Variants in SEC24C observed in about 807,000 individuals in gnomAD.
SEC24C encodes the protein protein transport protein Sec24C.
Under a neutral mutation model 117.0 loss-of-function variants are expected in SEC24C, and 22 were observed. The ratio of observed to expected loss-of-function variants is 0.19; its 90% confidence interval spans 0.13 to 0.27. The LOEUF (loss-of-function observed/expected upper bound fraction) is 0.27, where lower values mean the gene tolerates loss of function less well. Among genes scored for constraint, SEC24C ranks in the 10% least tolerant of loss-of-function variants. The pLI, the probability that SEC24C is intolerant of heterozygous loss-of-function variation, is 1.00. For missense variants in SEC24C, 1,155 were observed against 1,375.1 expected, an observed-to-expected ratio of 0.84 and a Z score of 2.53; for synonymous variants, 506 against 529.4, an observed-to-expected ratio of 0.96 and a Z score of 0.61.
rs922127775 is a variant in SEC24C, at chr10:73,760,922, G to A, written c.987+73G>A. 5.0e-6 allele frequency: 7 copies of A among 1,409,630 alleles called. No individual in the cohort carries two copies. The African/African-American group carries it at 1.0e-4, about 21-fold the overall frequency. 87.3% of individuals were successfully genotyped at this position (1,409,630 alleles called of 1,614,324 possible). A position where few individuals can be genotyped will look rare whatever the true frequency, so the allele number is the denominator to read the frequency against. ...ATAGGCAGGTCAATCTAGATGAAAT[G>A]TTTGCCTAGCATTTTCTGATAATTT... On this transcript the variant is annotated intron_variant, in intron 6 of 22. Coordinates refer to ENST00000345254, the MANE Select transcript of SEC24C (RefSeq NM_198597.3).
In SEC24C at chr10:73,763,668, T is replaced by A; in HGVS notation, c.1099+67T>A. Reference sequence around the variant, plus strand: ...AAGATTATCAGCTTATGGTTGGGGCTTTTTTTTTTTTTTTTTTTTTTTTTT... The same window carrying A: ...AAGATTATCAGCTTATGGTTGGGGCATTTTTTTTTTTTTTTTTTTTTTTTT... On this transcript the variant is annotated intron_variant, in intron 7 of 22. Transcript: ENST00000345254. The A allele has an allele frequency of 3.4e-4, 72 of 208,708 alleles. 1 individual carries two copies. In the South Asian group the frequency reaches 5.8e-3, roughly 17 times the overall value. 12.9% of individuals were successfully genotyped at this position (208,708 alleles called of 1,614,324 possible). A position where few individuals can be genotyped will look rare whatever the true frequency, so the allele number is the denominator to read the frequency against.
chr10:73,770,063 T>C, intron 20 of SEC24C, 48 bp downstream of exon 20: 1 of 1,557,246 alleles, frequency 6.4e-7, no homozygotes. Flanking sequence ...GCAAAGGGCC[T>C]CTTAGGAGGA....
At chr10:73,759,840 G>T in intron 4 of SEC24C, 46 bp downstream of exon 4, 1 of 1,499,826 alleles carries the variant, frequency 6.7e-7, no homozygotes. Flanking sequence ...CTGTTCAGAG[G>T]CATCAGACTC....
At chr10:73,767,014 TGAATAAA>T in intron 13 of SEC24C, 33 bp from the exon 14 acceptor site, 2 of 1,520,440 alleles carry the variant, frequency 1.3e-6, no homozygotes, top group Non-Finnish European at 9.1e-7. Context: ...AAGAGATGGA[TGAATAAA>T]GAATAAACAA....
chr10:73,761,382 G>A (rs1489773153), intron 6 of SEC24C, among the ~76,000 whole-genome samples: 1 of 152,222 alleles, frequency 6.6e-6, no homozygotes, highest in Non-Finnish European at 1.5e-5. Context: ...TATGAGGGCA[G>A]TGTGTATGTA....
chr10:73,746,433 G>A (rs537190689), intron 1 of SEC24C, among the ~76,000 whole-genome samples: 31 of 152,282 alleles, frequency 2.0e-4, no homozygotes, highest in African/African-American at 6.7e-4. Flanking sequence ...AATGGAAAGT[G>A]GGAACATTGT....
chr10:73,763,769 T>C, intron 7 of SEC24C, 87 bp from the exon 8 acceptor site: 1 of 1,459,948 alleles, frequency 6.8e-7, no homozygotes, highest in East Asian at 2.6e-5. Context: ...TCTAGCTTTG[T>C]GGAGTTGATG....
chr10:73,754,106 A>G (rs965327486), intron 3 of SEC24C, among the ~76,000 whole-genome samples: 1 of 152,136 alleles, frequency 6.6e-6, no homozygotes, highest in Non-Finnish European at 1.5e-5. Flanking sequence ...TAAGTAATCT[A>G]GAGATGATTT....
chr10:73,771,115 T>C lies in SEC24C; in HGVS notation c.*20T>C, dbSNP rs1018503441. 6.2e-6 allele frequency: 10 copies of C among 1,611,456 alleles called. No homozygotes were observed. Among genetic ancestry groups the C allele is most frequent in the South Asian group, 1.1e-5 (1 of 90,688 alleles). ...AGCTAAAGCAAGTGGGTAAATGGCA[T>C]AGGGCCCAGGCTAGCTTCCAGAAAG... On this transcript the variant is annotated 3_prime_UTR_variant, in exon 23 of 23. Coordinates refer to ENST00000345254, the MANE Select transcript of SEC24C (RefSeq NM_198597.3).
intron 9 of SEC24C, 70 bp downstream of exon 9, chr10:73,765,659 T>C (rs947518317): frequency 4.4e-5 from 70 of 1,594,036 alleles, no homozygotes; most frequent in Non-Finnish European, 5.8e-5. Context: ...ATTAAATAGT[T>C]AGAGAGATGA....
chr10:73,766,706 G>T, intron 12 of SEC24C, 54 bp from the exon 13 acceptor site: 1 of 1,527,496 alleles, frequency 6.5e-7, no homozygotes, highest in Non-Finnish European at 9.1e-7. Context: ...GAGAACTGAG[G>T]TATCTGGAAT....
chr10:73,759,633 C>G lies in SEC24C; in HGVS notation c.320C>G (p.Ser107Cys). 6.5e-7 allele frequency: 1 copy of G among 1,528,638 alleles called. No individual in the cohort carries two copies. The highest frequency in any genetic ancestry group is 2.4e-5 in the East Asian group (1 of 42,472). The allele number at this position is 1,528,638 out of a possible 1,614,324, so 94.7% of individuals were successfully genotyped here. Reference protein sequence around the residue: ...STVQMQRLPGSQPFGSPLAPV... With the variant: ...STVQMQRLPGCQPFGSPLAPV... ...CTTTCTTTTCACAGGCTGCCTGGGT[C>G]TCAGCCATTTGGGTCCCCATTGGCC... is the stretch of plus-strand genomic sequence containing the variant. The change falls in exon 4 of 23, where the codon TCT becomes TGT. Residue 107 changes from serine (S) to cysteine (C), a missense_variant. Physicochemically the swap from Ser to Cys is moderately radical, Grantham distance 112 (BLOSUM62 -1). Coordinates refer to ENST00000345254, the MANE Select transcript of SEC24C (RefSeq NM_198597.3).
chr10:73,763,441 TCA>T, intron 6 of SEC24C, 47 bp from the exon 7 acceptor site: 1 of 1,322,460 alleles, frequency 7.6e-7, no homozygotes, highest in Non-Finnish European at 1.1e-6. Context: ...CTCTGGGACC[TCA>T]CACTTCCTTT....
chr10:73,763,049 A>T (rs2082821377), intron 6 of SEC24C, among the ~76,000 whole-genome samples: 1 of 152,144 alleles, frequency 6.6e-6, no homozygotes, highest in African/African-American at 2.4e-5. Flanking sequence ...ATTCATTTTT[A>T]CGTGGTTACT....
rs556150513 is a variant in SEC24C at position 73,766,752 on chromosome 10, C to A, written c.1800-8C>A. 1 of 1,612,838 alleles carries A rather than the reference C, an allele frequency of 6.2e-7. No individual in the cohort carries two copies. The highest frequency in any genetic ancestry group is 2.2e-5 in the East Asian group (1 of 44,880). ...ATTTTGGTTGTTTTCCGTCACCTAT[C>A]TCTTTAGCTTATTGGATCAGATTCC... On this transcript the variant is annotated splice_polypyrimidine_tract_variant and splice_region_variant and intron_variant, in intron 12 of 22. Transcript: ENST00000345254.
chr10:73,756,375 AG>A (rs2082710131), intron 3 of SEC24C, among the ~76,000 whole-genome samples: 1 of 152,164 alleles, frequency 6.6e-6, no homozygotes, highest in Non-Finnish European at 1.5e-5. Flanking sequence ...AGGGGAAAAA[AG>A]TCTGCACGCT....
intron 3 of SEC24C, among the ~76,000 whole-genome samples, chr10:73,755,652 G>A (rs1041667028): frequency 1.0e-3 from 156 of 151,486 alleles, no homozygotes; most frequent in African/African-American, 3.6e-3. Context: ...ACTCCAGCCT[G>A]GGCGACAGAC....
At chr10:73,770,588 G>A in intron 21 of SEC24C, 117 bp downstream of exon 21, 2 of 1,493,612 alleles carry the variant, frequency 1.3e-6, no homozygotes, top group Non-Finnish European at 1.9e-6. Context: ...TTGGGGACAA[G>A]GGCAGTTGCT....
intron 3 of SEC24C, chr10:73,752,118 A>C (rs937948279): frequency 1.3e-5 from 2 of 150,738 alleles, no homozygotes; most frequent in Non-Finnish European, 3.0e-5. Flanking sequence ...GTGCTTTTTA[A>C]AATTTTTTAA....
Sources: gnomAD v4.1 joint callset for allele counts (sites outside exome capture counted in the v4.1 genomes callset) on GRCh38, gnomAD v4.1.1 for gene constraint, MANE v1.5 for transcripts, NCBI Gene and HGNC (gene_info 2026-07-23, HGNC 2026-07-21) for gene names.